Variants in TANGO6 observed in about 807,000 individuals in gnomAD.
TANGO6 encodes the protein transport and Golgi organization protein 6 homolog.
Under a neutral mutation model 114.2 loss-of-function variants are expected in TANGO6, and 90 were observed. The ratio of observed to expected loss-of-function variants is 0.79; its 90% confidence interval spans 0.66 to 0.94. The LOEUF (loss-of-function observed/expected upper bound fraction) is 0.94, where lower values mean the gene tolerates loss of function less well. Ranked by LOEUF, TANGO6 falls within the 40% of genes least tolerant of loss-of-function variation. TANGO6 has a pLI of 0.00. For synonymous variants in TANGO6, 477 were observed against 509.8 expected, an observed-to-expected ratio of 0.94 and a Z score of 0.87; for missense variants, 1,274 against 1,315.3, an observed-to-expected ratio of 0.97 and a Z score of 0.49.
intron 16 of TANGO6, 29 bp downstream of exon 16, chr16:69,023,008 G>A: frequency 6.5e-7 from 1 of 1,536,062 alleles, no homozygotes; most frequent in Non-Finnish European, 8.7e-7. Context: ...TTTCTCTAAA[G>A]CGTGTTTTCA....
intron 3 of TANGO6, among the ~76,000 whole-genome samples, chr16:68,866,554 C>T (rs1430237287): frequency 2.0e-5 from 3 of 149,122 alleles, no homozygotes; most frequent in Non-Finnish European, 4.4e-5. Context: ...ACCCGGGAAG[C>T]GGAGCTTGCA....
chr16:69,078,548 T>C (rs1960421502), intron 17 of TANGO6, among the ~76,000 whole-genome samples: 2 of 152,214 alleles, frequency 1.3e-5, no homozygotes, highest in Admixed American at 6.5e-5. Flanking sequence ...CTCATCACTC[T>C]CTCTCTGCTC....
intron 17 of TANGO6, among the ~76,000 whole-genome samples, chr16:69,079,100 C>T (rs1301575550): frequency 5.3e-5 from 8 of 151,602 alleles, no homozygotes; most frequent in Admixed American, 3.9e-4. Context: ...CCAAGGTGGG[C>T]GGATCACCTG....
chr16:68,988,856 G>A (rs1963921800), intron 15 of TANGO6, among the ~76,000 whole-genome samples: 1 of 151,890 alleles, frequency 6.6e-6, no homozygotes, highest in Admixed American at 6.6e-5. Context: ...GTGCCACCAC[G>A]TACAGCTAAT....
chr16:68,924,085 T>A (rs1345772795), intron 12 of TANGO6, among the ~76,000 whole-genome samples: 1 of 152,192 alleles, frequency 6.6e-6, no homozygotes, highest in Admixed American at 6.5e-5. Context: ...ATGCAGGTGA[T>A]CAAACTGGCT....
chr16:68,971,922 T>C (rs146040498), intron 14 of TANGO6, among the ~76,000 whole-genome samples: 223 of 152,244 alleles, frequency 1.5e-3, no homozygotes, highest in African/African-American at 4.8e-3. Flanking sequence ...CGTGAGCCAC[T>C]GCGCCCAGCC....
Position 68,925,305 on chromosome 16 carries a change from G to C in TANGO6, c.2128-2263G>C, listed in dbSNP as rs934296552. On this transcript the variant is annotated intron_variant, in intron 12 of 17. Transcript: ENST00000261778. ...AGCCTGAGCAATAGAGCAAGACTCTGTCTCAAAAAAAAGAAAAAATTGCAA... is the reference window on the plus strand; with the variant it reads ...AGCCTGAGCAATAGAGCAAGACTCTCTCTCAAAAAAAAGAAAAAATTGCAA... Among the ~76,000 whole-genome samples, 6 of 152,220 alleles carry C rather than the reference G, an allele frequency of 3.9e-5. No homozygotes were observed. In the South Asian group the frequency reaches 1.2e-3, roughly 32 times the overall value.
At chr16:69,083,191 G>T (rs1960491579) in intron 17 of TANGO6, among the ~76,000 whole-genome samples, 1 of 148,770 alleles carries the variant, frequency 6.7e-6, no homozygotes, top group Non-Finnish European at 1.5e-5. Flanking sequence ...CTCCTCAGTA[G>T]CTGGGACTAC....
At chr16:69,070,941 T>G (rs980719697) in intron 17 of TANGO6, among the ~76,000 whole-genome samples, 4 of 151,862 alleles carry the variant, frequency 2.6e-5, no homozygotes, top group Non-Finnish European at 5.9e-5. Flanking sequence ...GCCCAGCTAA[T>G]TTTTGTACTC....
chr16:68,948,987 G>A (rs1320393973), intron 14 of TANGO6, among the ~76,000 whole-genome samples: 2 of 152,124 alleles, frequency 1.3e-5, no homozygotes, highest in Admixed American at 6.5e-5. Flanking sequence ...GGGAGTTCGA[G>A]ACCAGCCTGA....
intron 5 of TANGO6, among the ~76,000 whole-genome samples, chr16:68,876,287 G>C (rs1048827692): frequency 2.6e-4 from 40 of 151,646 alleles, no homozygotes; most frequent in African/African-American, 9.7e-4. Context: ...TCAGCCTCCC[G>C]AGTAGCTGGG....
At chr16:69,073,495 C>T (rs1026005468) in intron 17 of TANGO6, among the ~76,000 whole-genome samples, 2 of 152,288 alleles carry the variant, frequency 1.3e-5, no homozygotes, top group African/African-American at 2.4e-5. Flanking sequence ...TCTTTTTTAT[C>T]GCCAGCACAG....
At chr16:69,056,882 G>C in intron 17 of TANGO6, among the ~76,000 whole-genome samples, 1 of 151,368 alleles carries the variant, frequency 6.6e-6, no homozygotes, top group East Asian at 1.9e-4. Context: ...GGGTTTCACC[G>C]TGTTAGCCAG....
intron 15 of TANGO6, among the ~76,000 whole-genome samples, chr16:68,997,452 G>A (rs1025952543): frequency 6.6e-6 from 1 of 152,170 alleles, no homozygotes; most frequent in African/African-American, 2.4e-5. Flanking sequence ...ACCACATAGG[G>A]TAATGTCTGG....
intron 16 of TANGO6, among the ~76,000 whole-genome samples, chr16:69,032,435 T>G (rs1337259306): frequency 6.6e-6 from 1 of 151,846 alleles, no homozygotes. Context: ...CCAGCTAATT[T>G]TTTTCTATTT....
At chr16:69,060,859 G>A (rs1484789487) in intron 17 of TANGO6, among the ~76,000 whole-genome samples, 1 of 151,968 alleles carries the variant, frequency 6.6e-6, no homozygotes, top group Non-Finnish European at 1.5e-5. Flanking sequence ...GGGCGTGGTG[G>A]CGCACGCCTG....
intron 7 of TANGO6, among the ~76,000 whole-genome samples, chr16:68,885,114 T>C (rs577943905): frequency 3.3e-5 from 5 of 152,288 alleles, no homozygotes; most frequent in Admixed American, 2.6e-4. Flanking sequence ...TACTAAATTA[T>C]AGAGTACAGC....
chr16:69,055,879 A>G (rs1960025045), intron 17 of TANGO6, among the ~76,000 whole-genome samples: 1 of 152,144 alleles, frequency 6.6e-6, no homozygotes, highest in Non-Finnish European at 1.5e-5. Flanking sequence ...TCTACTGAAA[A>G]TACCAAAAAA....
chr16:68,993,714 A>G (rs1215193209), intron 15 of TANGO6, among the ~76,000 whole-genome samples: 2 of 152,238 alleles, frequency 1.3e-5, no homozygotes, highest in African/African-American at 2.4e-5. Context: ...ACTTTTATAT[A>G]TCTAATTAAA....
Sources: gnomAD v4.1 joint callset for allele counts (sites outside exome capture counted in the v4.1 genomes callset) on GRCh38, gnomAD v4.1.1 for gene constraint, MANE v1.5 for transcripts, NCBI Gene and HGNC (gene_info 2026-07-23, HGNC 2026-07-21) for gene names.